Variants in SLC25A36 observed in about 807,000 individuals in gnomAD.
The protein encoded by SLC25A36 is solute carrier family 25 member 36.
SLC25A36 carries 24 observed loss-of-function variants against 35.3 expected under a neutral mutation model. The observed-to-expected ratio is 0.68, with a 90% CI of 0.49 to 0.96. The LOEUF is 0.96. Among genes scored for constraint, SLC25A36 ranks in the 40% least tolerant of loss-of-function variants. The probability of loss-of-function intolerance (pLI) is 0.00; values close to 1 mark genes in which losing one functional copy is unlikely to be tolerated. For synonymous variants in SLC25A36, 141 were observed against 132.2 expected (o/e 1.07, Z -0.46); for missense variants, 294 against 381.1 (o/e 0.77, Z 1.90).
chr3:140,967,684 T>C (rs1454671432), intron 4 of SLC25A36, among the ~76,000 whole-genome samples: 1 of 151,940 alleles, frequency 6.6e-6, no homozygotes, highest in Non-Finnish European at 1.5e-5. Context: ...TTAATCTGGT[T>C]TTTAATTGCT....
At position 140,979,929 on chromosome 3, in the gene SLC25A36, G is replaced by A. The variant is rs539992698; in HGVS notation, c.*3476G>A. 2.0e-5 allele frequency: 3 copies of A among 152,082 alleles called. No homozygotes were observed. The highest frequency in any genetic ancestry group is 2.9e-5 in the Non-Finnish European group (2 of 67,994). 9.4% of individuals were successfully genotyped at this position (152,082 alleles called of 1,614,324 possible). Reference sequence around the variant, plus strand: ...GTTCAAATTTTAAAAATTAAAATACGCTCATGAAAATATGGCTTTTTCTGT... The same window carrying A: ...GTTCAAATTTTAAAAATTAAAATACACTCATGAAAATATGGCTTTTTCTGT... On this transcript the variant is annotated 3_prime_UTR_variant, in exon 7 of 7. Transcript: ENST00000324194.
chr3:140,966,221 T>C (rs1934754530), intron 4 of SLC25A36: 1 of 163,620 alleles, frequency 6.1e-6, no homozygotes, highest in African/African-American at 2.4e-5. Context: ...AGGTATTGTC[T>C]TGCATTTATG....
At position 140,980,694 on chromosome 3, in the gene SLC25A36, GCC is replaced by G. The variant is rs3215276; in HGVS notation, c.*4251_*4252del. On this transcript the variant is annotated 3_prime_UTR_variant, in exon 7 of 7. Coordinates refer to ENST00000324194, the MANE Select transcript of SLC25A36 (RefSeq NM_001104647.3). ...CAAAATGTAATTAAATGTTCCCCCTGCCCCCCCCCCCTTTTAATATATATACA... is the reference window on the plus strand; with the variant it reads ...CAAAATGTAATTAAATGTTCCCCCTGCCCCCCCCCTTTTAATATATATACA... Among the ~76,000 whole-genome samples, 283 of 93,612 alleles carry G rather than the reference GCC, an allele frequency of 3.0e-3. 4 individuals carry two copies. The highest frequency in any genetic ancestry group is 0.012 in the South Asian group (26 of 2,214). The allele number at this position is 93,612 out of a possible 152,430, so 61.4% of individuals were successfully genotyped here.
At chr3:140,962,804 T>A (rs1185619766) in intron 3 of SLC25A36, among the ~76,000 whole-genome samples, 1 of 152,074 alleles carries the variant, frequency 6.6e-6, no homozygotes, top group Non-Finnish European at 1.5e-5. Context: ...ATTTTGTTTT[T>A]ATTTTTTTTT....
At chr3:140,973,655 T>G (rs1173025694) in intron 5 of SLC25A36, 61 bp from the exon 6 acceptor site, 40 of 1,190,302 alleles carry the variant, frequency 3.4e-5, no homozygotes, top group Non-Finnish European at 4.2e-5. Context: ...AATGACATAT[T>G]TTATTATATT....
intron 2 of SLC25A36, 24 bp downstream of exon 2, chr3:140,956,715 G>T: frequency 1.3e-6 from 2 of 1,543,806 alleles, no homozygotes; most frequent in East Asian, 2.3e-5. Flanking sequence ...ATTCAGGAGT[G>T]TTTTTTAGTT....
rs1159715371 is a variant in SLC25A36, at chr3:140,959,019, C to CTT, written c.207-431_207-430dup. Among the ~76,000 whole-genome samples, 21 of 78,564 alleles carry CTT rather than the reference C, an allele frequency of 2.7e-4. 1 individual carries two copies. The highest frequency in any genetic ancestry group is 6.0e-4 in the African/African-American group (13 of 21,746). 51.5% of individuals were successfully genotyped at this position (78,564 alleles called of 152,430 possible). On this transcript the variant is annotated intron_variant, in intron 2 of 6. Coordinates refer to ENST00000324194, the MANE Select transcript of SLC25A36 (RefSeq NM_001104647.3). ...GTGTGTGTGTGTGTGTTTTCTTTTT[C>CTT]TTTTTTTTTTTTTTGGAGACAGAGT...
rs894684327 is a variant in SLC25A36 at position 140,967,061 on chromosome 3, T to G, written c.385+3834T>G. On this transcript the variant is annotated intron_variant, in intron 4 of 6. Transcript: ENST00000324194. ...CGTGAGTACTGATCTGAGCATCTCT[T>G]GCAGCCTGTAGTATAAGAAACCCAC... 3 of 456,224 alleles carry G rather than the reference T, an allele frequency of 6.6e-6. No individual in the cohort carries two copies. In the East Asian group the frequency reaches 2.1e-4, roughly 32 times the overall value. 28.3% of individuals were successfully genotyped at this position (456,224 alleles called of 1,614,324 possible).
intron 3 of SLC25A36, among the ~76,000 whole-genome samples, chr3:140,959,800 TA>T (rs1455400907): frequency 2.0e-5 from 3 of 152,168 alleles, no homozygotes; most frequent in African/African-American, 7.2e-5. Flanking sequence ...TGTTAGAAAT[TA>T]ACAGTAGTAA....
At chr3:140,958,869 A>C (rs1315178242) in intron 2 of SLC25A36, among the ~76,000 whole-genome samples, 1 of 152,046 alleles carries the variant, frequency 6.6e-6, no homozygotes, top group Non-Finnish European at 1.5e-5. Flanking sequence ...TTAATCTTTC[A>C]GGAAAGAATC....
chr3:140,955,986 G>C (rs1006835158), intron 1 of SLC25A36, among the ~76,000 whole-genome samples: 2 of 152,168 alleles, frequency 1.3e-5, no homozygotes, highest in Admixed American at 1.3e-4. Context: ...CATGCGCCCA[G>C]CCCTCAAATG....
intron 1 of SLC25A36, 60 bp from the exon 2 acceptor site, chr3:140,956,467 A>G: frequency 4.8e-6 from 7 of 1,444,344 alleles, no homozygotes; most frequent in Non-Finnish European, 5.5e-6. Flanking sequence ...AGCTCTGGGC[A>G]TATATACTAA....
At chr3:140,951,587 A>G (rs764590428) in intron 1 of SLC25A36, among the ~76,000 whole-genome samples, 1 of 151,706 alleles carries the variant, frequency 6.6e-6, no homozygotes, top group Non-Finnish European at 1.5e-5. Flanking sequence ...AGGTTCAAAC[A>G]GTCCTCCCAC....
intron 1 of SLC25A36, among the ~76,000 whole-genome samples, chr3:140,954,306 G>C (rs766225261): frequency 3.1e-4 from 47 of 152,292 alleles, no homozygotes; most frequent in Non-Finnish European, 3.2e-4. Flanking sequence ...GGACATTTGG[G>C]TTGTTCCCAG....
intron 4 of SLC25A36, chr3:140,966,015 A>G (rs1218585387): frequency 6.6e-6 from 1 of 152,004 alleles, no homozygotes; most frequent in Non-Finnish European, 1.5e-5. Context: ...ATGTAAAGGA[A>G]ATGAATTCTA....
Position 140,963,118 on chromosome 3 carries a change from C to G in SLC25A36, c.285-9C>G. ...CATGCTTATTGATAAATCTAAATCT[C>G]TATTTTAGAGCAATATACTTTGCTG... On this transcript the variant is annotated splice_polypyrimidine_tract_variant and intron_variant, in intron 3 of 6. Coordinates refer to ENST00000324194, the MANE Select transcript of SLC25A36 (RefSeq NM_001104647.3). 6.6e-7 allele frequency: 1 copy of G among 1,515,982 alleles called. No individual in the cohort carries two copies. Among genetic ancestry groups the G allele is most frequent in the South Asian group, 1.3e-5 (1 of 79,496 alleles). 93.9% of individuals were successfully genotyped at this position (1,515,982 alleles called of 1,614,324 possible).
intron 1 of SLC25A36, among the ~76,000 whole-genome samples, chr3:140,950,931 T>C (rs1209481523): frequency 6.6e-6 from 1 of 151,698 alleles, no homozygotes; most frequent in East Asian, 1.9e-4. Flanking sequence ...TGTGTGTGTG[T>C]GTGTGTGTGT....
chr3:140,943,743 A>G (rs1042369210), intron 1 of SLC25A36, among the ~76,000 whole-genome samples: 2 of 152,226 alleles, frequency 1.3e-5, no homozygotes, highest in African/African-American at 2.4e-5. Flanking sequence ...TAACATTTCT[A>G]TTATTCTGCG....
chr3:140,968,773 TA>T (rs368666433), intron 4 of SLC25A36: 55,334 of 700,032 alleles, frequency 0.079, 654 homozygotes, highest in East Asian at 0.17. Context: ...AACTTTTATT[TA>T]AAAAAAAAAA....
Sources: allele counts gnomAD v4.1 joint callset (sites outside exome capture counted in the v4.1 genomes callset), GRCh38; gene constraint gnomAD v4.1.1; transcripts MANE v1.5; gene names NCBI Gene and HGNC (gene_info 2026-07-23, HGNC 2026-07-21).